Variants in TWIST2 observed in about 807,000 individuals in gnomAD.
TWIST2 encodes twist-related protein 2.
Under a neutral mutation model 11.6 loss-of-function variants are expected in TWIST2, and 1 was observed. The ratio of observed to expected loss-of-function variants is 0.09; its 90% CI spans 0.03 to 0.41. The LOEUF is 0.41. Ranked by LOEUF, TWIST2 falls within the 10% of genes least tolerant of loss-of-function variation. The pLI is 0.98. For missense variants in TWIST2, 168 were observed against 226.4 expected (o/e 0.74, Z 1.66); for synonymous variants, 87 against 96.6 (o/e 0.90, Z 0.58).
chr2:238,893,588 T>C (rs1445251548), intron 1 of TWIST2, among the ~76,000 whole-genome samples: 1 of 152,162 alleles, frequency 6.6e-6, no homozygotes, highest in Non-Finnish European at 1.5e-5. Flanking sequence ...GCAGAGTGGC[T>C]TCCTGCCTCT....
intron 1 of TWIST2, among the ~76,000 whole-genome samples, chr2:238,886,036 C>T (rs531657315): frequency 5.0e-4 from 74 of 149,050 alleles, no homozygotes; most frequent in African/African-American, 1.7e-3. Flanking sequence ...GCGGAGGTTG[C>T]AGTGAGCCGA....
At chr2:238,873,589 T>C (rs1420471679) in intron 1 of TWIST2, among the ~76,000 whole-genome samples, 3 of 152,062 alleles carry the variant, frequency 2.0e-5, no homozygotes, top group African/African-American at 7.3e-5. Flanking sequence ...CTGAGTGAGA[T>C]GTTCTCAGGA....
At chr2:238,870,533 CCT>C (rs1428157687) in intron 1 of TWIST2, among the ~76,000 whole-genome samples, 5 of 119,322 alleles carry the variant, frequency 4.2e-5, no homozygotes, top group Non-Finnish European at 5.2e-5. Context: ...AACCACACAC[CCT>C]ACATACCCCA....
chr2:238,871,949 AAG>A (rs1475539058), intron 1 of TWIST2, among the ~76,000 whole-genome samples: 2 of 152,080 alleles, frequency 1.3e-5, no homozygotes, highest in African/African-American at 4.8e-5. Context: ...AGAGGAGAAA[AAG>A]AGTTCTGGAG....
intron 1 of TWIST2, among the ~76,000 whole-genome samples, chr2:238,901,324 T>C (rs1693266792): frequency 6.6e-6 from 1 of 152,252 alleles, no homozygotes; most frequent in Non-Finnish European, 1.5e-5. Flanking sequence ...GAGCACTCTC[T>C]GATGTATTTG....
At chr2:238,849,179 C>G (rs1435032984) in intron 1 of TWIST2, among the ~76,000 whole-genome samples, 1 of 152,170 alleles carries the variant, frequency 6.6e-6, no homozygotes, top group African/African-American at 2.4e-5. Context: ...CGGGTGTTGC[C>G]GGGCGAATGG....
intron 1 of TWIST2, among the ~76,000 whole-genome samples, chr2:238,883,002 A>G (rs113717042): frequency 0.017 from 2,609 of 152,248 alleles, 81 homozygotes; most frequent in African/African-American, 0.059. Context: ...TCTTGACATC[A>G]TTCCCTCCAG....
chr2:238,851,379 G>T (rs1353370066), intron 1 of TWIST2, among the ~76,000 whole-genome samples: 2 of 152,150 alleles, frequency 1.3e-5, no homozygotes, highest in African/African-American at 2.4e-5. Context: ...ATCTCAAAAG[G>T]ATTTTTTTAG....
At chr2:238,908,500 ACCC>A (rs1693394493) in intron 1 of TWIST2, among the ~76,000 whole-genome samples, 1 of 151,924 alleles carries the variant, frequency 6.6e-6, no homozygotes, top group Non-Finnish European at 1.5e-5. Context: ...ACACATACAT[ACCC>A]CACACCACAC....
intron 1 of TWIST2, among the ~76,000 whole-genome samples, chr2:238,879,120 C>A (rs529304920): frequency 1.8e-4 from 28 of 152,356 alleles, no homozygotes; most frequent in African/African-American, 6.7e-4. Context: ...CCTGGGCGGA[C>A]ACACAGCCTT....
In TWIST2 at chr2:238,864,133, C is replaced by G. The variant is rs890794652; in HGVS notation, c.*35+15400C>G. On this transcript the variant is annotated intron_variant, in intron 1 of 1. Transcript: ENST00000612363. This position sits in a 1 kb window ranked among gnomAD's most constrained non-coding sequence, Gnocchi z 4.7. ...GACCACCTTTGCCAGATGACCAAAT[C>G]CTTTTCGGAGAGATGACTGAAATAT... Among the ~76,000 whole-genome samples the G allele has an allele frequency of 2.0e-5, 3 of 152,076 alleles. No homozygotes were observed. Among genetic ancestry groups the G allele is most frequent in the Admixed American group, 2.0e-4 (3 of 15,268 alleles).
chr2:238,879,459 C>T (rs931597956), intron 1 of TWIST2, among the ~76,000 whole-genome samples: 3 of 152,226 alleles, frequency 2.0e-5, no homozygotes, highest in Non-Finnish European at 2.9e-5. Flanking sequence ...CAAATGCACA[C>T]CTCCCTCCAG....
intron 1 of TWIST2, among the ~76,000 whole-genome samples, chr2:238,856,533 GT>G (rs561620939): frequency 0.01 from 1,520 of 148,784 alleles, 24 homozygotes; most frequent in African/African-American, 0.035. Context: ...ACATGGAAAA[GT>G]TTTTTTTTTA....
chr2:238,886,352 A>G (rs1693036839), intron 1 of TWIST2, among the ~76,000 whole-genome samples: 1 of 149,748 alleles, frequency 6.7e-6, no homozygotes, highest in South Asian at 2.2e-4. Context: ...CTGTTTGGGG[A>G]AAAAGTGGTT....
intron 1 of TWIST2, among the ~76,000 whole-genome samples, chr2:238,873,427 T>C (rs751850928): frequency 5.9e-5 from 9 of 151,858 alleles, no homozygotes; most frequent in Non-Finnish European, 8.8e-5. Flanking sequence ...AGAGAATGAA[T>C]GGAGTGAGGG....
At chr2:238,869,311 A>G (rs1239007999) in intron 1 of TWIST2, among the ~76,000 whole-genome samples, 1 of 152,246 alleles carries the variant, frequency 6.6e-6, no homozygotes, top group East Asian at 1.9e-4. Context: ...GGATCTCTCA[A>G]TAAAACTTCC....
chr2:238,856,859 G>T (rs1692339484), intron 1 of TWIST2, among the ~76,000 whole-genome samples: 1 of 152,168 alleles, frequency 6.6e-6, no homozygotes, highest in Non-Finnish European at 1.5e-5. Context: ...CTGCAATAGT[G>T]CCACGAGGGA....
intron 1 of TWIST2, among the ~76,000 whole-genome samples, chr2:238,895,273 G>A (rs1693193746): frequency 6.6e-6 from 1 of 152,226 alleles, no homozygotes; most frequent in Non-Finnish European, 1.5e-5. Context: ...TGCGTTCTGG[G>A]GGAGATTCTG....
At chr2:238,905,948 CGCGTGTGTACGTGTGCGT>C (rs1693344766) in intron 1 of TWIST2, among the ~76,000 whole-genome samples, 284 of 110,428 alleles carry the variant, frequency 2.6e-3, no homozygotes, top group African/African-American at 5.7e-3. Flanking sequence ...TGTGTGCGCG[CGCGTGTGTACGTGTGCGT>C]GTGTGTGCGC....
Sources: gnomAD v4.1 joint callset for allele counts (sites outside exome capture counted in the v4.1 genomes callset) on GRCh38, gnomAD v4.1.1 for gene constraint, Gnocchi (gnomAD v3.1) non-coding constraint, MANE v1.5 for transcripts, NCBI Gene and HGNC (gene_info 2026-07-23, HGNC 2026-07-21) for gene names.